SUGCT: variants seen among roughly 807,000 people sequenced by gnomAD.
SUGCT encodes succinyl-CoA:glutarate-CoA transferase, also known as succinyl-CoA:glutarate CoA-transferase.
A neutral mutation model predicts 55.0 loss-of-function variants in SUGCT; 41 were observed. That is an observed-to-expected ratio of 0.74 (90% CI 0.58 to 0.97). The LOEUF (loss-of-function observed/expected upper bound fraction) is 0.97, where lower values mean the gene tolerates loss of function less well. Among genes scored for constraint, SUGCT ranks in the 50% least tolerant of loss-of-function variants. The pLI is 0.00. For missense variants in SUGCT, 568 were observed against 547.8 expected, an observed-to-expected ratio of 1.04 and a Z score of -0.37; for synonymous variants, 187 against 200.4, an observed-to-expected ratio of 0.93 and a Z score of 0.56.
intron 12 of SUGCT, among the ~76,000 whole-genome samples, chr7:40,651,613 A>G (rs1800785737): frequency 6.6e-6 from 1 of 152,332 alleles, no homozygotes; most frequent in Non-Finnish European, 1.5e-5. Context: ...GAAACTGCTT[A>G]CACATGACTT....
intron 12 of SUGCT, among the ~76,000 whole-genome samples, chr7:40,576,290 T>C (rs1037827218): frequency 1.3e-5 from 2 of 152,182 alleles, no homozygotes; most frequent in Non-Finnish European, 2.9e-5. Flanking sequence ...TTTGAACTGT[T>C]TGATTACTAT....
At chr7:40,717,084 T>C (rs1786060783) in intron 12 of SUGCT, among the ~76,000 whole-genome samples, 1 of 152,174 alleles carries the variant, frequency 6.6e-6, no homozygotes, top group Non-Finnish European at 1.5e-5. Context: ...TACCAGAAAG[T>C]TTAAAATATG....
intron 12 of SUGCT, among the ~76,000 whole-genome samples, chr7:40,742,410 G>A (rs1317529696): frequency 1.3e-5 from 2 of 152,086 alleles, no homozygotes; most frequent in African/African-American, 4.8e-5. Flanking sequence ...GACGGGGATG[G>A]GGGATGGTTT....
At chr7:40,167,704 A>C (rs943393873) in intron 1 of SUGCT, among the ~76,000 whole-genome samples, 2 of 152,294 alleles carry the variant, frequency 1.3e-5, no homozygotes, top group Non-Finnish European at 2.9e-5. Flanking sequence ...GCAATGCAGG[A>C]ACAATGGTGA....
intron 12 of SUGCT, among the ~76,000 whole-genome samples, chr7:40,535,715 C>G (rs1433577357): frequency 6.6e-6 from 1 of 152,174 alleles, no homozygotes; most frequent in Admixed American, 6.5e-5. Context: ...TTTGAAGCAA[C>G]ATGGATACAA....
chr7:40,210,373 T>G (rs1787262557), intron 6 of SUGCT, among the ~76,000 whole-genome samples: 2 of 151,972 alleles, frequency 1.3e-5, no homozygotes, highest in Admixed American at 1.3e-4. Context: ...CATACCTTGG[T>G]TTTTGCCTGC....
intron 12 of SUGCT, among the ~76,000 whole-genome samples, chr7:40,637,685 G>A (rs769448797): frequency 4.6e-5 from 7 of 152,128 alleles, no homozygotes; most frequent in Non-Finnish European, 1.0e-4. Flanking sequence ...CTGAGAACCT[G>A]GACAGATGCT....
the SUGCT span, among the ~76,000 whole-genome samples, chr7:41,013,337 T>A: frequency 9.1e-4 from 138 of 152,252 alleles, 1 homozygote; most frequent in Non-Finnish European, 1.2e-3. Context: ...GTTTGATGAT[T>A]TCAGTTCCTT....
At chr7:40,797,468 G>A (rs1456495481) in intron 13 of SUGCT, among the ~76,000 whole-genome samples, 3 of 152,066 alleles carry the variant, frequency 2.0e-5, no homozygotes, top group Non-Finnish European at 4.4e-5. Flanking sequence ...ATCAGTCCCC[G>A]TAGTTGGAAA....
chr7:40,790,323 G>A (rs994823321), intron 13 of SUGCT, among the ~76,000 whole-genome samples: 3 of 152,144 alleles, frequency 2.0e-5, no homozygotes, highest in Admixed American at 6.6e-5. Context: ...AGAAGGACAT[G>A]TTTGCCTCCC....
At chr7:40,696,649 TTAG>T (rs1197447475) in intron 12 of SUGCT, among the ~76,000 whole-genome samples, 10 of 152,196 alleles carry the variant, frequency 6.6e-5, no homozygotes, top group Non-Finnish European at 1.3e-4. Flanking sequence ...TTTGAGAATG[TTAG>T]TAGATTTTAA....
chr7:41,013,017 AATATATATATAT>A, the SUGCT span, among the ~76,000 whole-genome samples: 6 of 147,872 alleles, frequency 4.1e-5, no homozygotes, highest in South Asian at 2.1e-4. Flanking sequence ...CTCTGATTTA[AATATATATATAT>A]ATATATATAT....
intron 12 of SUGCT, among the ~76,000 whole-genome samples, chr7:40,580,459 T>G (rs73689827): frequency 0.022 from 3,298 of 152,318 alleles, 117 homozygotes; most frequent in African/African-American, 0.072. Flanking sequence ...AACATCTACC[T>G]AGCTGTATTG....
At chr7:40,829,028 G>A (rs1339002586) in intron 13 of SUGCT, among the ~76,000 whole-genome samples, 1 of 152,108 alleles carries the variant, frequency 6.6e-6, no homozygotes, top group Non-Finnish European at 1.5e-5. Context: ...GACACCAGCC[G>A]AAACCAGCGG....
intron 9 of SUGCT, among the ~76,000 whole-genome samples, chr7:40,400,107 C>T (rs189230421): frequency 2.4e-4 from 36 of 152,036 alleles, no homozygotes; most frequent in Admixed American, 3.3e-4. Context: ...CTGAGAAAGT[C>T]TTCTATTTCC....
chr7:40,464,024 A>G (rs552388876), intron 11 of SUGCT, among the ~76,000 whole-genome samples: 117 of 152,314 alleles, frequency 7.7e-4, no homozygotes, highest in African/African-American at 2.7e-3. Context: ...TAGGACCCCA[A>G]GAGAGATATT....
At chr7:40,585,929 T>A (rs993325570) in intron 12 of SUGCT, among the ~76,000 whole-genome samples, 2 of 152,172 alleles carry the variant, frequency 1.3e-5, no homozygotes, top group Non-Finnish European at 2.9e-5. Flanking sequence ...AATCCATCTG[T>A]CTTGGCCTCC....
chr7:40,624,772 A>AACATAC (rs1799438284), intron 12 of SUGCT, among the ~76,000 whole-genome samples: 2 of 137,314 alleles, frequency 1.5e-5, no homozygotes, highest in African/African-American at 5.7e-5. Flanking sequence ...TTTCTGTGCA[A>AACATAC]ACACACACAC....
At chr7:40,879,743 T>C in the SUGCT span, among the ~76,000 whole-genome samples, 1 of 152,246 alleles carries the variant, frequency 6.6e-6, no homozygotes, top group East Asian at 1.9e-4. Flanking sequence ...AATTTTTAAA[T>C]TTCTGGACCA....
Sources: gnomAD v4.1 joint callset for allele counts (sites outside exome capture counted in the v4.1 genomes callset) on GRCh38, gnomAD v4.1.1 for gene constraint, MANE v1.5 for transcripts, NCBI Gene and HGNC (gene_info 2026-07-23, HGNC 2026-07-21) for gene names.